ADGRE3: variants seen among roughly 807,000 people sequenced by gnomAD.
ADGRE3 encodes EGF-like module receptor 3.
ADGRE3 carries 88 observed loss-of-function variants against 80.1 expected under a neutral mutation model. The observed-to-expected ratio is 1.10, with a 90% CI of 0.93 to 1.31. The LOEUF is 1.31. ADGRE3 is among the 40% of genes most tolerant of loss of function. The probability of loss-of-function intolerance (pLI) is 0.00; values close to 1 mark genes in which losing one functional copy is unlikely to be tolerated. For synonymous variants in ADGRE3, 281 were observed against 294.8 expected (o/e 0.95, Z 0.48); for missense variants, 715 against 776.5 (o/e 0.92, Z 0.94).
At chr19:14,615,110 T>C (rs151239331), downstream of ADGRE3, among the ~76,000 whole-genome samples, 4 of 151,718 alleles carry the variant, frequency 2.6e-5, no homozygotes, top group Non-Finnish European at 5.9e-5. Context: ...TCACGGCTTG[T>C]CCATTGTCAT....
intron 2 of ADGRE3, among the ~76,000 whole-genome samples, chr19:14,668,391 G>A (rs1194312903): frequency 6.6e-6 from 1 of 151,888 alleles, no homozygotes; most frequent in East Asian, 1.9e-4. Flanking sequence ...AGGTACTTGT[G>A]AATCTAGAGA....
At chr19:14,617,378 C>T (rs1212745691), downstream of ADGRE3, among the ~76,000 whole-genome samples, 46 of 81,244 alleles carry the variant, frequency 5.7e-4, no homozygotes, top group Admixed American at 1.1e-3. Flanking sequence ...TTCTTTCTTC[C>T]TTTCTTTCTT....
intron 1 of ADGRE3, among the ~76,000 whole-genome samples, chr19:14,674,207 G>A (rs746751112): frequency 7.9e-5 from 12 of 152,056 alleles, no homozygotes; most frequent in Non-Finnish European, 1.6e-4. Context: ...GATGAACAAC[G>A]TATTAGAGAC....
At chr19:14,628,673 G>C (rs1970795673) in intron 14 of ADGRE3, 7 of 380,834 alleles carry the variant, frequency 1.8e-5, no homozygotes, top group South Asian at 1.6e-4. Context: ...CTGTTCCATG[G>C]TTTGAGATGT....
At chr19:14,612,654 A>T in the ADGRE3 span, among the ~76,000 whole-genome samples, 1 of 151,984 alleles carries the variant, frequency 6.6e-6, no homozygotes, top group African/African-American at 2.4e-5. Flanking sequence ...CACTTTAAAG[A>T]TCCTGTCTCC....
chr19:14,625,497 T>C lies in ADGRE3; in HGVS notation c.1915A>G (p.Ser639Gly). 1 of 1,596,116 alleles carries C rather than the reference T, an allele frequency of 6.3e-7. No homozygotes were observed. The highest frequency in any genetic ancestry group is 8.6e-7 in the Non-Finnish European group (1 of 1,163,628). The change falls in exon 15 of 16, where the codon AGT becomes GGT. Residue 639 changes from serine (S) to glycine (G), a missense_variant. Transcript: ENST00000253673. The part of the protein sequence containing the change: ...SSKMGPDSKP[S>G]EGDVFPGQVK... ...AATTCAGATGTTTCACTTACCTCAC[T>C]GGGTTTTGAGTCAGGACCCATCTTG... is the stretch of plus-strand genomic sequence containing the variant.
intron 4 of ADGRE3, 118 bp downstream of exon 4, chr19:14,661,845 A>G (rs1296644845): frequency 5.5e-6 from 6 of 1,081,134 alleles, no homozygotes; most frequent in Non-Finnish European, 8.2e-6. Flanking sequence ...GGTTTCAGCC[A>G]CTGCACTCCA....
chr19:14,605,330 A>G, the ADGRE3 span, among the ~76,000 whole-genome samples: 2 of 149,574 alleles, frequency 1.3e-5, no homozygotes, highest in African/African-American at 4.9e-5. Flanking sequence ...TCCTGACCTC[A>G]GGTGATCCAC....
the ADGRE3 span, among the ~76,000 whole-genome samples, chr19:14,605,705 T>A: frequency 1.3e-5 from 2 of 152,172 alleles, no homozygotes; most frequent in African/African-American, 2.4e-5. Flanking sequence ...CTTTTATCTC[T>A]GTCATAAGTC....
intron 6 of ADGRE3, 135 bp from the exon 7 acceptor site, chr19:14,651,339 C>T (rs1971602551): frequency 2.1e-6 from 2 of 962,740 alleles, no homozygotes; most frequent in Admixed American, 4.5e-5. Context: ...TGCTTGGGCC[C>T]AGGAATTTGA....
At position 14,644,255 on chromosome 19, in the gene ADGRE3, C is replaced by A; in HGVS notation, c.903G>T (p.Lys301Asn). ...TGCTCTTCCAGTAGACACAGAAGACCTTTTTGGTACTGGGGGTCATCTGAA... is the reference window on the plus strand; with the variant it reads ...TGCTCTTCCAGTAGACACAGAAGACATTTTTGGTACTGGGGGTCATCTGAA... The part of the protein sequence containing the change: ...QHVKMTPSTK[K>N]VFCVYWKSTG... The change falls in exon 9 of 16, where the codon AAG (lysine) becomes AAT (asparagine). Residue 301 changes from lysine (K) to asparagine (N), a missense_variant. By Grantham distance (94) the Lys-to-Asn change is moderately conservative (BLOSUM62 0). Coordinates refer to ENST00000253673, the MANE Select transcript of ADGRE3 (RefSeq NM_032571.5). The A allele has an allele frequency of 6.4e-7, 1 of 1,558,960 alleles. No individual in the cohort carries two copies. Among genetic ancestry groups the A allele is most frequent in the Non-Finnish European group, 8.7e-7 (1 of 1,153,732 alleles).
chr19:14,659,044 T>C (rs1274742159), intron 4 of ADGRE3, among the ~76,000 whole-genome samples: 6 of 63,592 alleles, frequency 9.4e-5, no homozygotes, highest in Non-Finnish European at 1.6e-4. Flanking sequence ...TTTTTTTCCC[T>C]TTTTTTTTTT....
At chr19:14,628,241 G>C (rs187876270) in intron 14 of ADGRE3, among the ~76,000 whole-genome samples, 1 of 150,048 alleles carries the variant, frequency 6.7e-6, no homozygotes, top group South Asian at 2.1e-4. Flanking sequence ...AGTGTTTTGC[G>C]TATGCTCATG....
chr19:14,661,518 C>A (rs573791941), intron 4 of ADGRE3, among the ~76,000 whole-genome samples: 1 of 152,174 alleles, frequency 6.6e-6, no homozygotes, highest in Admixed American at 6.5e-5. Flanking sequence ...TCTCAATCAC[C>A]ACCTTGTCAC....
chr19:14,638,390 G>A, intron 10 of ADGRE3, 50 bp from the exon 11 acceptor site: 1 of 1,402,348 alleles, frequency 7.1e-7, no homozygotes, highest in Non-Finnish European at 1.0e-6. Flanking sequence ...GTGGAGTATG[G>A]CCCTAGGACC....
chr19:14,647,212 T>C lies in ADGRE3; in HGVS notation c.851A>G (p.Lys284Arg), dbSNP rs1971432816. 2 of 1,613,804 alleles carry C rather than the reference T, an allele frequency of 1.2e-6. No individual in the cohort carries two copies. The highest frequency in any genetic ancestry group is 1.1e-5 in the South Asian group (1 of 91,078). ...IGPKRNVSLS[K>R]SVTLTFQHVK... is the part of the protein sequence containing the mutation. ...GTGCTGGAAAGTCAGCGTCACAGAC[T>C]TGGAGAGAGACACGTTCCTTTTGGG... The change falls in exon 8 of 16, where the codon AAG (lysine) becomes AGG (arginine). Residue 284 changes from lysine (K) to arginine (R), a missense_variant. Physicochemically the swap from Lys to Arg is conservative, Grantham distance 26. Coordinates refer to ENST00000253673, the MANE Select transcript of ADGRE3 (RefSeq NM_032571.5).
intron 10 of ADGRE3, among the ~76,000 whole-genome samples, chr19:14,640,982 A>C (rs1231949419): frequency 6.6e-6 from 1 of 152,090 alleles, no homozygotes; most frequent in African/African-American, 2.4e-5. Context: ...GTATATCTTT[A>C]TCAGCAGCCT....
chr19:14,600,225 C>T, the ADGRE3 span: 1 of 1,601,718 alleles, frequency 6.2e-7, no homozygotes, highest in Non-Finnish European at 8.5e-7. Flanking sequence ...TCAGGGACAG[C>T]CTGCTTCTCT....
the ADGRE3 span, among the ~76,000 whole-genome samples, chr19:14,602,440 G>A: frequency 6.6e-6 from 1 of 152,056 alleles, no homozygotes. Context: ...CAACAGGTGT[G>A]TGCCACCATG....
Sources: gnomAD v4.1 joint callset for allele counts (sites outside exome capture counted in the v4.1 genomes callset) on GRCh38, gnomAD v4.1.1 for gene constraint, MANE v1.5 for transcripts, NCBI Gene and HGNC (gene_info 2026-07-23, HGNC 2026-07-21) for gene names.